Variants in ANKRD36 observed in about 807,000 individuals in gnomAD.
ANKRD36 encodes ankyrin repeat domain 36.
ANKRD36 carries 179 observed loss-of-function variants against 278.1 expected under a neutral mutation model. The ratio of observed to expected loss-of-function variants is 0.64; its 90% CI spans 0.57 to 0.73. The LOEUF is 0.73. Among genes scored for constraint, ANKRD36 ranks in the 30% least tolerant of loss-of-function variants. The probability of loss-of-function intolerance (pLI) is 0.00; values close to 1 mark genes in which losing one functional copy is unlikely to be tolerated. For missense variants in ANKRD36, 1,159 were observed against 1,956.7 expected, an observed-to-expected ratio of 0.59 and a Z score of 7.69; for synonymous variants, 320 against 641.1, an observed-to-expected ratio of 0.50 and a Z score of 7.57.
intron 34 of ANKRD36, 56 bp from the exon 35 acceptor site, chr2:97,190,922 G>T (rs1053430623): frequency 6.3e-7 from 1 of 1,589,044 alleles, no homozygotes; most frequent in Non-Finnish European, 8.6e-7. Context: ...GTGAATGTAT[G>T]GATAACTTTA....
chr2:97,113,785 T>A lies in ANKRD36; in HGVS notation c.46T>A (p.Leu16Met), dbSNP rs562442945. ...RERWPTLMER[L>M]CSDGFAFPQY... ...GAGGTGGCCCACCCTCATGGAGCGCTTGTGCTCGGATGGCTTCGCATTTCC... is the reference window on the plus strand; with the variant it reads ...GAGGTGGCCCACCCTCATGGAGCGCATGTGCTCGGATGGCTTCGCATTTCC... The change falls in exon 1 of 76, where the codon TTG becomes ATG. Residue 16 changes from leucine (L) to methionine (M), a missense_variant. By Grantham distance (15) the Leu-to-Met change is conservative (BLOSUM62 2). Coordinates refer to ENST00000420699, the MANE Select transcript of ANKRD36 (RefSeq NM_001354587.1). 5 of 1,613,002 alleles carry A rather than the reference T, an allele frequency of 3.1e-6. No homozygotes were observed. The Admixed American group carries it at 8.3e-5, about 27-fold the overall frequency.
chr2:97,176,002 A>C (rs1381700301), intron 22 of ANKRD36, among the ~76,000 whole-genome samples: 12 of 151,806 alleles, frequency 7.9e-5, no homozygotes, highest in African/African-American at 2.2e-4. Flanking sequence ...GTTTGTTATA[A>C]TTTCTGTTCT....
At chr2:97,133,026 T>G (rs2040568126) in intron 6 of ANKRD36, among the ~76,000 whole-genome samples, 1 of 152,090 alleles carries the variant, frequency 6.6e-6, no homozygotes, top group African/African-American at 2.4e-5. Flanking sequence ...ACCACATTGT[T>G]TATGCAAACA....
In ANKRD36 at chr2:97,123,333, G is replaced by A. The variant is rs1241091382; in HGVS notation, c.593+340G>A. Among the ~76,000 whole-genome samples the A allele has an allele frequency of 8.7e-5, 12 of 137,980 alleles. No homozygotes were observed. In the Admixed American group the frequency reaches 9.0e-4, roughly 10 times the overall value. The allele number at this position is 137,980 out of a possible 152,430, so 90.5% of individuals were successfully genotyped here. A position where few individuals can be genotyped will look rare whatever the true frequency, so the allele number is the denominator to read the frequency against. On this transcript the variant is annotated intron_variant, in intron 4 of 75. Coordinates refer to ENST00000420699, the MANE Select transcript of ANKRD36 (RefSeq NM_001354587.1). Reference sequence around the variant, plus strand: ...AATAATGTGATGCTTTTGATTGTATGATCTTACATTAGCTAAAGGGGTTTC... The same window carrying A: ...AATAATGTGATGCTTTTGATTGTATAATCTTACATTAGCTAAAGGGGTTTC...
At chr2:97,153,915 C>G (rs1407999241) in intron 14 of ANKRD36, among the ~76,000 whole-genome samples, 1 of 146,370 alleles carries the variant, frequency 6.8e-6, no homozygotes, top group Non-Finnish European at 1.5e-5. Flanking sequence ...ACTAGTCCCT[C>G]TCTTGGATAT....
At position 97,175,019 on chromosome 2, in the gene ANKRD36, T is replaced by C. The variant is rs1377799462; in HGVS notation, c.1634-4719T>C. On this transcript the variant is annotated intron_variant, in intron 22 of 75. Transcript: ENST00000420699. ...TAAGCTTTTTGATGTGCTGCTGGAT[T>C]CGTTTTGCCAGTATTTTATTGAGGA... Among the ~76,000 whole-genome samples, 26 of 145,286 alleles carry C rather than the reference T, an allele frequency of 1.8e-4. 1 individual carries two copies. Among genetic ancestry groups the C allele is most frequent in the East Asian group, 1.6e-3 (8 of 5,032 alleles).
At position 97,118,203 on chromosome 2, in the gene ANKRD36, C is replaced by G. The variant is rs2036008842; in HGVS notation, c.312+25C>G. ...GGTATATAGTAGCTGACTCTTTGAGCATGAGATGGATTTGGTTGAAGTACA... is the reference window on the plus strand; with the variant it reads ...GGTATATAGTAGCTGACTCTTTGAGGATGAGATGGATTTGGTTGAAGTACA... On this transcript the variant is annotated intron_variant, in intron 2 of 75. Transcript: ENST00000420699. 14 of 1,580,476 alleles carry G rather than the reference C, an allele frequency of 8.9e-6. 1 individual carries two copies. Among genetic ancestry groups the G allele is most frequent in the Non-Finnish European group, 1.2e-5 (14 of 1,161,642 alleles).
chr2:97,204,676 T>A (rs1391356516), intron 50 of ANKRD36, among the ~76,000 whole-genome samples: 2 of 151,702 alleles, frequency 1.3e-5, no homozygotes, highest in Non-Finnish European at 3.0e-5. Flanking sequence ...GTAGGAGAAC[T>A]AAGGAGACCC....
At chr2:97,130,925 TA>T (rs1339937243) in intron 6 of ANKRD36, among the ~76,000 whole-genome samples, 1 of 152,088 alleles carries the variant, frequency 6.6e-6, no homozygotes, top group African/African-American at 2.4e-5. Context: ...TAAACTTCTT[TA>T]TATCTTTAGC....
At position 97,183,350 on chromosome 2, in the gene ANKRD36, T is replaced by C. The variant is rs548261906; in HGVS notation, c.1838-109T>C. ...ACACAAACTGTAAAACATCAAATCC[T>C]ACACTAGTGCAGGCAGGAGGATACA... is the stretch of plus-strand genomic sequence containing the variant. On this transcript the variant is annotated intron_variant, in intron 26 of 75. Coordinates refer to ENST00000420699, the MANE Select transcript of ANKRD36 (RefSeq NM_001354587.1). The C allele has an allele frequency of 3.7e-3, 4,901 of 1,330,018 alleles. 15 individuals are homozygous for C. The highest frequency in any genetic ancestry group is 4.6e-3 in the Middle Eastern group (17 of 3,706). The allele number at this position is 1,330,018 out of a possible 1,614,324, so 82.4% of individuals were successfully genotyped here.
intron 36 of ANKRD36, among the ~76,000 whole-genome samples, chr2:97,191,473 G>A (rs1189515938): frequency 6.6e-6 from 1 of 151,634 alleles, no homozygotes; most frequent in Admixed American, 6.6e-5. Context: ...TAACTCTACA[G>A]CGTTTTCAGT....
chr2:97,207,137 T>C (rs940155360), intron 52 of ANKRD36, among the ~76,000 whole-genome samples: 2 of 151,520 alleles, frequency 1.3e-5, no homozygotes, highest in Non-Finnish European at 3.0e-5. Context: ...GAGGCTAATA[T>C]ATTATCCTTT....
At chr2:97,262,818 G>A (rs2076868342) in intron 75 of ANKRD36, among the ~76,000 whole-genome samples, 1 of 136,622 alleles carries the variant, frequency 7.3e-6, no homozygotes, top group Non-Finnish European at 1.5e-5. Context: ...CATACCCGTT[G>A]TCTCTTCACC....
At chr2:97,225,838 A>G (rs1443684576) in intron 67 of ANKRD36, among the ~76,000 whole-genome samples, 1 of 142,158 alleles carries the variant, frequency 7.0e-6, no homozygotes, top group South Asian at 2.3e-4. Flanking sequence ...ACCTGTTCTC[A>G]TTGTTCAATT....
At chr2:97,196,445 G>T (rs908889589) in intron 40 of ANKRD36, 148 bp from the exon 41 acceptor site, 16 of 1,454,040 alleles carry the variant, frequency 1.1e-5, no homozygotes, top group African/African-American at 4.3e-5. Context: ...TTTCTGTCAT[G>T]TTCTAGTCCC....
chr2:97,198,040 T>C (rs551913608), intron 42 of ANKRD36, among the ~76,000 whole-genome samples: 14 of 151,986 alleles, frequency 9.2e-5, no homozygotes, highest in African/African-American at 3.4e-4. Flanking sequence ...TTAAAGAGGA[T>C]GATGAATGTT....
In ANKRD36 at chr2:97,147,411, C is replaced by A. The variant is rs74903377; in HGVS notation, c.1034+895C>A. On this transcript the variant is annotated intron_variant, in intron 11 of 75. Coordinates refer to ENST00000420699, the MANE Select transcript of ANKRD36 (RefSeq NM_001354587.1). ...AATATTCCCCATTTTCCTATAGACA[C>A]AATCAGAGGTGCATAAAATTTCAGA... 4.7e-4 allele frequency among the ~76,000 whole-genome samples: 70 copies of A among 147,454 alleles called. 1 individual carries two copies. The highest frequency in any genetic ancestry group is 8.2e-4 in the Non-Finnish European group (55 of 66,754).
chr2:97,221,467 A>G (rs1474098324), intron 66 of ANKRD36, among the ~76,000 whole-genome samples: 2 of 108,504 alleles, frequency 1.8e-5, no homozygotes, highest in African/African-American at 4.4e-5. Context: ...AATGATTGCC[A>G]TTCTAACTGG....
intron 3 of ANKRD36, among the ~76,000 whole-genome samples, chr2:97,121,422 C>T (rs560630069): frequency 0.012 from 1,848 of 152,130 alleles, 37 homozygotes; most frequent in African/African-American, 0.042. Flanking sequence ...AGGTAGATCA[C>T]GAGGTCAGAA....
Sources: allele counts gnomAD v4.1 joint callset (sites outside exome capture counted in the v4.1 genomes callset), GRCh38; gene constraint gnomAD v4.1.1; transcripts MANE v1.5; gene names NCBI Gene and HGNC (gene_info 2026-07-23, HGNC 2026-07-21).